Variants in SHANK1 observed in about 807,000 individuals in gnomAD.
The protein encoded by SHANK1 is SH3 and multiple ankyrin repeat domains 1.
In SHANK1, 35 loss-of-function variants were observed where a neutral mutation model predicts 165.6. The observed-to-expected ratio is 0.21, with a 90% CI of 0.16 to 0.28. SHANK1 has a LOEUF of 0.28. Among genes scored for constraint, SHANK1 ranks in the 10% least tolerant of loss-of-function variants. The pLI, the probability that SHANK1 is intolerant of heterozygous loss-of-function variation, is 1.00. For missense variants in SHANK1, 2,681 were observed against 3,036.4 expected, an observed-to-expected ratio of 0.88 and a Z score of 2.75; for synonymous variants, 1,428 against 1,384.8, an observed-to-expected ratio of 1.03 and a Z score of -0.69.
intron 12 of SHANK1, among the ~76,000 whole-genome samples, chr19:50,699,366 A>T (rs1175955376): frequency 6.6e-6 from 1 of 152,260 alleles, no homozygotes; most frequent in Non-Finnish European, 1.5e-5. Flanking sequence ...GCATAACTAT[A>T]CAAGTGACTG....
At position 50,714,178 on chromosome 19, in the gene SHANK1, C is replaced by T. The variant is rs751867811; in HGVS notation, c.640+4G>A. On this transcript the variant is annotated splice_donor_region_variant and intron_variant, in intron 5 of 23. Transcript: ENST00000293441. ...AGGTCCTCCTGATGCGCACCCCTCCCTACCTCCCGAATCCGAGTCATGGTA... is the reference window on the plus strand; with the variant it reads ...AGGTCCTCCTGATGCGCACCCCTCCTTACCTCCCGAATCCGAGTCATGGTA... 1 of 1,613,624 alleles carries T rather than the reference C, an allele frequency of 6.2e-7. No homozygotes were observed. The highest frequency in any genetic ancestry group is 2.2e-5 in the East Asian group (1 of 44,884).
rs576173015 is a variant in SHANK1, at chr19:50,715,795, G to A, written c.460-65C>T. 1.7e-4 allele frequency: 259 copies of A among 1,483,502 alleles called. 1 individual carries two copies. The South Asian group carries it at 2.7e-3, about 15-fold the overall frequency. 91.9% of individuals were successfully genotyped at this position (1,483,502 alleles called of 1,614,324 possible). On this transcript the variant is annotated intron_variant, in intron 3 of 23. Transcript: ENST00000293441. ...TTGGAATCAGGGGCCTGGGGAGAAG[G>A]CTTGGGGTAGGGGAAGGTCTGATCC...
rs201942719 is a variant in SHANK1, at chr19:50,687,951, C to T, written c.2280G>A (p.Pro760=). The T allele has an allele frequency of 1.1e-4, 171 of 1,614,078 alleles. 1 individual carries two copies. The highest frequency in any genetic ancestry group is 5.5e-4 in the African/African-American group (41 of 75,042). ...TCTTGTGCACTGCCTCATCCATGTC[C>T]GGGTGCCTGGTGACCATCACCACCT... ...MVKVVMVTRH[P]DMDEAVHKKA... Residue 760 remains proline (P), a synonymous_variant, in exon 18 of 24, where the codon CCG becomes CCA. Coordinates refer to ENST00000293441, the MANE Select transcript of SHANK1 (RefSeq NM_016148.5).
chr19:50,673,653 A>G (rs10418270), intron 21 of SHANK1, among the ~76,000 whole-genome samples: 3,762 of 152,132 alleles, frequency 0.025, 158 homozygotes, highest in African/African-American at 0.086. Context: ...GGCGGGGCTG[A>G]TGTATCCCAG....
At chr19:50,671,285 G>C (rs4801846) in intron 22 of SHANK1, among the ~76,000 whole-genome samples, 43,595 of 143,008 alleles carry the variant, frequency 0.3, 7,303 homozygotes, top group African/African-American at 0.47. Flanking sequence ...CCGGGTTCAC[G>C]CCATTCTCCT....
At chr19:50,703,447 G>A (rs2088894975) in intron 11 of SHANK1, 53 bp downstream of exon 11, 8 of 1,458,156 alleles carry the variant, frequency 5.5e-6, no homozygotes, top group African/African-American at 2.8e-5. Flanking sequence ...CGCCGATCTG[G>A]AGAGGGGATT....
Position 50,666,758 on chromosome 19 carries a change from G to A in SHANK1, c.5202C>T (p.Gly1734=), listed in dbSNP as rs1985537817. 6.4e-7 allele frequency: 1 copy of A among 1,557,984 alleles called. No homozygotes were observed. Among genetic ancestry groups the A allele is most frequent in the Non-Finnish European group, 8.7e-7 (1 of 1,152,332 alleles). Residue 1734 remains glycine (G), a synonymous_variant, in exon 23 of 24, where the codon GGC becomes GGT. Coordinates refer to ENST00000293441, the MANE Select transcript of SHANK1 (RefSeq NM_016148.5). Reference sequence around the variant, plus strand: ...GAGTACTGCTGCCCCCAAAGGCCTGGCCGTCCAGGTAGGCCACATAGGTGT... The same window carrying A: ...GAGTACTGCTGCCCCCAAAGGCCTGACCGTCCAGGTAGGCCACATAGGTGT... ...LLDTYVAYLD[G]QAFGGSSTPG... is the part of the protein sequence containing the mutation.
At position 50,697,040 on chromosome 19, in the gene SHANK1, A is replaced by C. The variant is rs1986763510; in HGVS notation, c.1964+56T>G. ...GTGCACACACGTTCACACGCCCCCC[A>C]GGCACCCCGTCCTTCCCCTCCTGAC... On this transcript the variant is annotated intron_variant, in intron 15 of 23. Transcript: ENST00000293441. The surrounding 1 kb of genome is among the most constrained non-coding windows in gnomAD (Gnocchi z 4.7). 7.6e-7 allele frequency: 1 copy of C among 1,320,848 alleles called. No homozygotes were observed. Among genetic ancestry groups the C allele is most frequent in the Non-Finnish European group, 1.1e-6 (1 of 928,548 alleles). 81.8% of individuals were successfully genotyped at this position (1,320,848 alleles called of 1,614,324 possible).
chr19:50,687,961 G>C lies in SHANK1; in HGVS notation c.2270C>G (p.Thr757Ser). 6.2e-7 allele frequency: 1 copy of C among 1,614,102 alleles called. No homozygotes were observed. Among genetic ancestry groups the C allele is most frequent in the Non-Finnish European group, 8.5e-7 (1 of 1,179,976 alleles). Residue 757 changes from threonine to serine, a missense_variant, in exon 18 of 24, where the codon ACC (threonine) becomes AGC (serine). Coordinates refer to ENST00000293441, the MANE Select transcript of SHANK1 (RefSeq NM_016148.5). The stretch of plus-strand genomic sequence containing the variant: ...TGCCTCATCCATGTCCGGGTGCCTG[G>C]TGACCATCACCACCTTCACCATCAG... ...NTLMVKVVMV[T>S]RHPDMDEAVH...
chr19:50,686,508 G>A lies in SHANK1; in HGVS notation c.2459-153C>T, dbSNP rs941001774. 2.0e-5 allele frequency among the ~76,000 whole-genome samples: 3 copies of A among 152,206 alleles called. No homozygotes were observed. The highest frequency in any genetic ancestry group is 2.0e-4 in the Admixed American group (3 of 15,286). ...CTGCCTGGGTCCGGGTGGACGGGCAGTCCCGCTTGGAGACACAATCTCCCA... is the reference window on the plus strand; with the variant it reads ...CTGCCTGGGTCCGGGTGGACGGGCAATCCCGCTTGGAGACACAATCTCCCA... On this transcript the variant is annotated intron_variant, in intron 20 of 23. Coordinates refer to ENST00000293441, the MANE Select transcript of SHANK1 (RefSeq NM_016148.5). The surrounding 1 kb of genome is among the most constrained non-coding windows in gnomAD (Gnocchi z 5.7).
In SHANK1 at chr19:50,690,173, G is replaced by T. The variant is rs541126074; in HGVS notation, c.1965-894C>A. 6.6e-6 allele frequency among the ~76,000 whole-genome samples: 1 copy of T among 152,246 alleles called. No individual in the cohort carries two copies. The highest frequency in any genetic ancestry group is 1.9e-4 in the East Asian group (1 of 5,188). ...CAAATGGAGCTACTGCATGCAGTCA[G>T]CATATTCTATTATAGTAAAATGCAA... On this transcript the variant is annotated intron_variant, in intron 15 of 23. Transcript: ENST00000293441. The surrounding 1 kb of genome is among the most constrained non-coding windows in gnomAD (Gnocchi z 4.9).
rs1362610124 is a variant in SHANK1 at position 50,702,606 on chromosome 19, G to C, written c.1608C>G (p.Gly536=). ...CGCGGCTGCCCAGGGAGCCCCCGGG[G>C]CCCCCTGAGCCCCCCGTGCCCCCGG... ...GPAGGTGGSG[G]PGGSLGSRGR... Residue 536 remains glycine, a synonymous_variant, in exon 12 of 24, where the codon GGC becomes GGG. Coordinates refer to ENST00000293441, the MANE Select transcript of SHANK1 (RefSeq NM_016148.5). The surrounding 1 kb of genome is among the most constrained non-coding windows in gnomAD (Gnocchi z 5.3). 1.3e-6 allele frequency: 2 copies of C among 1,593,098 alleles called. No homozygotes were observed. Among genetic ancestry groups the C allele is most frequent in the Non-Finnish European group, 1.7e-6 (2 of 1,170,298 alleles).
intron 21 of SHANK1, among the ~76,000 whole-genome samples, chr19:50,675,402 C>T (rs1985943786): frequency 6.6e-6 from 1 of 152,206 alleles, no homozygotes; most frequent in Admixed American, 6.5e-5. Context: ...TTCATCATCA[C>T]AGAGAGCTCT....
chr19:50,707,500 C>T (rs959373706), intron 8 of SHANK1, among the ~76,000 whole-genome samples: 2 of 152,126 alleles, frequency 1.3e-5, no homozygotes, highest in South Asian at 4.1e-4. Context: ...GCAGATGCTA[C>T]GCCCAGGGCC....
Position 50,661,664 on chromosome 19 carries a change from TC to T in SHANK1, c.*300del, listed in dbSNP as rs1424141878. Among the ~76,000 whole-genome samples the T allele has an allele frequency of 6.6e-6, 1 of 150,926 alleles. No individual in the cohort carries two copies. Among genetic ancestry groups the T allele is most frequent in the Non-Finnish European group, 1.5e-5 (1 of 67,732 alleles). On this transcript the variant is annotated 3_prime_UTR_variant, in exon 24 of 24. Transcript: ENST00000293441. ...ACCCTCTATGGCTCTGTCTATCCCC[TC>T]CCCCCAGAATAGGCCCTTCCCTCCT...
intron 12 of SHANK1, 105 bp from the exon 13 acceptor site, chr19:50,698,061 C>T (rs1322376465): frequency 2.2e-5 from 17 of 788,148 alleles, no homozygotes; most frequent in Non-Finnish European, 3.6e-5. Context: ...AGCTCCTGGC[C>T]CAAGGCCATC....
chr19:50,686,792 G>A lies in SHANK1; in HGVS notation c.2410C>T (p.Pro804Ser), dbSNP rs761938293. The A allele has an allele frequency of 1.2e-6, 2 of 1,613,840 alleles. No homozygotes were observed. The highest frequency in any genetic ancestry group is 2.2e-5 in the East Asian group (1 of 44,858). Residue 804 changes from proline (P) to serine (S), a missense_variant, in exon 20 of 24, where the codon CCG becomes TCG. Physicochemically the swap from Pro to Ser is moderately conservative, Grantham distance 74. Transcript: ENST00000293441. This position sits in a 1 kb window ranked among gnomAD's most constrained non-coding sequence, Gnocchi z 5.7. ...CGCTTTTTCTCCATGCTGGGCACCGGCGCCGGCTGCTGCTCGTACTCTGTG... is the reference window on the plus strand; with the variant it reads ...CGCTTTTTCTCCATGCTGGGCACCGACGCCGGCTGCTGCTCGTACTCTGTG... ...EEMEYEQQPA[P>S]VPSMEKKRTV...
Position 50,662,398 on chromosome 19 carries a change from G to C in SHANK1, c.6053C>G (p.Ser2018Trp), listed in dbSNP as rs779699079. Residue 2018 changes from serine to tryptophan, a missense_variant, in exon 24 of 24, where the codon TCG (serine) becomes TGG (tryptophan). By Grantham distance (177) the Ser-to-Trp change is radical (BLOSUM62 -3). Coordinates refer to ENST00000293441, the MANE Select transcript of SHANK1 (RefSeq NM_016148.5). The surrounding 1 kb of genome is among the most constrained non-coding windows in gnomAD (Gnocchi z 7.7). ...EHKVSPAPRP[S>W]SLPILPSGPL... ...TCCGGAAGGCAGGATGGGCAGGGAC[G>C]AGGGCCTGGGCGCAGGGCTGACCTT... is the stretch of plus-strand genomic sequence containing the variant. 6.4e-7 allele frequency: 1 copy of C among 1,569,192 alleles called. No homozygotes were observed. Among genetic ancestry groups the C allele is most frequent in the Admixed American group, 1.8e-5 (1 of 54,716 alleles).
rs1461200550 is a variant in SHANK1, at chr19:50,688,887, A to G, written c.2129T>C (p.Val710Ala). The change falls in exon 17 of 24, where the codon GTG (valine) becomes GCG (alanine). Residue 710 changes from valine (V) to alanine (A), a missense_variant. By Grantham distance (64) the Val-to-Ala change is moderately conservative. Around this residue, in one of 10 missense-constraint regions of SHANK1, gnomAD observed 147 missense variants for 256.5 expected, o/e 0.57. Transcript: ENST00000293441. This position sits in a 1 kb window ranked among gnomAD's most constrained non-coding sequence, Gnocchi z 6.7. ...QYLESVDEGG[V>A]AWRAGLRMGD... ...CATTCGCAGTCCAGCTCGCCATGCC[A>G]CGCCACCCTCGTCCACCGACTCCAG... 6.3e-7 allele frequency: 1 copy of G among 1,592,360 alleles called. No homozygotes were observed. Among genetic ancestry groups the G allele is most frequent in the Admixed American group, 1.7e-5 (1 of 57,290 alleles).
Sources: gnomAD v4.1 joint callset for allele counts (sites outside exome capture counted in the v4.1 genomes callset) on GRCh38, gnomAD v4.1.1 for gene constraint, gnomAD v4.1.1 regional missense constraint, Gnocchi (gnomAD v3.1) non-coding constraint, MANE v1.5 for transcripts, NCBI Gene and HGNC (gene_info 2026-07-23, HGNC 2026-07-21) for gene names.